Variants in SLC12A8 observed in about 807,000 individuals in gnomAD.
SLC12A8 encodes cation-chloride cotransporter 9.
SLC12A8 carries 69 observed loss-of-function variants against 75.6 expected under a neutral mutation model. That is an observed-to-expected ratio of 0.91 (90% CI 0.75 to 1.11). The LOEUF (loss-of-function observed/expected upper bound fraction) is 1.11. Ranked by LOEUF, SLC12A8 falls within the 50% of genes most tolerant of loss-of-function variation. The probability of loss-of-function intolerance (pLI) is 0.00; values close to 1 mark genes in which losing one functional copy is unlikely to be tolerated. For synonymous variants in SLC12A8, 365 were observed against 372.8 expected (o/e 0.98, Z 0.24); for missense variants, 877 against 896.7 (o/e 0.98, Z 0.28).
intron 4 of SLC12A8, among the ~76,000 whole-genome samples, chr3:125,180,690 A>ATAT (rs1239926004): frequency 6.6e-6 from 1 of 152,102 alleles, no homozygotes; most frequent in Non-Finnish European, 1.5e-5. Flanking sequence ...AATAATAATA[A>ATAT]TAGCTACCGT....
intron 5 of SLC12A8, among the ~76,000 whole-genome samples, chr3:125,176,362 T>C (rs1934527762): frequency 1.3e-5 from 2 of 152,310 alleles, no homozygotes; most frequent in South Asian, 4.1e-4. Context: ...TGAGCCACTG[T>C]GCCTGGCCTG....
At chr3:125,178,017 C>G (rs545103) in intron 4 of SLC12A8, 43 bp from the exon 5 acceptor site, 1,532,632 of 1,543,420 alleles carry the variant, frequency 0.99, 761,455 homozygotes, top group East Asian at 1. Flanking sequence ...GGACAGAAAG[C>G]CATGGGCCCA....
intron 6 of SLC12A8, among the ~76,000 whole-genome samples, chr3:125,130,301 T>C (rs1012308826): frequency 4.6e-5 from 7 of 152,052 alleles, no homozygotes; most frequent in African/African-American, 1.4e-4. Flanking sequence ...AAAGTGAATA[T>C]AGGCCAGGCA....
At chr3:125,183,160 G>A (rs1934702521) in intron 4 of SLC12A8, among the ~76,000 whole-genome samples, 1 of 152,150 alleles carries the variant, frequency 6.6e-6, no homozygotes, top group African/African-American at 2.4e-5. Context: ...CTTCCCTAGA[G>A]CAATCCAGCC....
At chr3:125,108,499 G>A (rs1305776190) in intron 9 of SLC12A8, among the ~76,000 whole-genome samples, 2 of 151,872 alleles carry the variant, frequency 1.3e-5, no homozygotes, top group Non-Finnish European at 2.9e-5. Context: ...ATCCTGAATA[G>A]CTGGGACTAC....
intron 2 of SLC12A8, 129 bp from the exon 3 acceptor site, chr3:125,190,650 C>G: frequency 5.6e-6 from 6 of 1,079,230 alleles, no homozygotes; most frequent in Non-Finnish European, 8.2e-6. Context: ...TGTGCCAGGG[C>G]AAGTGTGTGT....
intron 8 of SLC12A8, among the ~76,000 whole-genome samples, chr3:125,111,075 A>G (rs913971639): frequency 2.0e-5 from 3 of 152,178 alleles, no homozygotes; most frequent in Non-Finnish European, 2.9e-5. Context: ...TTCCCTGACT[A>G]CAGTAGTTGC....
At chr3:125,085,381 T>G (rs1938430943) in intron 13 of SLC12A8, among the ~76,000 whole-genome samples, 1 of 152,212 alleles carries the variant, frequency 6.6e-6, no homozygotes, top group Admixed American at 6.5e-5. Context: ...AATGACAGGC[T>G]CAACTTCACA....
intron 2 of SLC12A8, among the ~76,000 whole-genome samples, chr3:125,194,614 T>C (rs1934971161): frequency 6.6e-6 from 1 of 152,194 alleles, no homozygotes; most frequent in African/African-American, 2.4e-5. Flanking sequence ...ACCAGCTAAG[T>C]CTTCATGAAT....
Position 125,199,633 on chromosome 3 carries a change from C to G in SLC12A8, c.52-9112G>C, listed in dbSNP as rs562323406. On this transcript the variant is annotated intron_variant, in intron 2 of 13. Transcript: ENST00000469902. ...TGGTGGCACATGCCTGTAGTCCCAG[C>G]TACTTGGAAGGCTGAGGTGGGAGGA... Among the ~76,000 whole-genome samples the G allele has an allele frequency of 1.1e-3, 163 of 151,078 alleles. 1 individual carries two copies. The highest frequency in any genetic ancestry group is 3.2e-3 in the African/African-American group (134 of 41,272).
At chr3:125,135,988 G>A (rs1041326569) in intron 5 of SLC12A8, among the ~76,000 whole-genome samples, 1 of 152,126 alleles carries the variant, frequency 6.6e-6, no homozygotes, top group Non-Finnish European at 1.5e-5. Flanking sequence ...CATAGACACA[G>A]ATGGATGACA....
Position 125,084,028 on chromosome 3 carries a change from C to T in SLC12A8, c.2007G>A (p.Gln669=). ...SCRSLRSPQE[Q]IILAPSLAKV... ...TAGCCAGGGACGGCGCCAAGATGAT[C>T]TGCTCCTGAGGGGACCGCAAGCTCC... Residue 669 remains glutamine (Q), a synonymous_variant, in exon 14 of 14, where the codon CAG becomes CAA. Coordinates refer to ENST00000469902, the MANE Select transcript of SLC12A8 (RefSeq NM_024628.6). 1.9e-6 allele frequency: 3 copies of T among 1,612,694 alleles called. No homozygotes were observed. The highest frequency in any genetic ancestry group is 1.7e-6 in the Non-Finnish European group (2 of 1,179,478).
intron 2 of SLC12A8, among the ~76,000 whole-genome samples, chr3:125,204,093 T>C (rs1445024539): frequency 1.3e-5 from 2 of 152,174 alleles, no homozygotes; most frequent in East Asian, 1.9e-4. Flanking sequence ...AACAAGTGTT[T>C]GTGGGGCTTT....
intron 5 of SLC12A8, among the ~76,000 whole-genome samples, chr3:125,139,441 T>G (rs1306810248): frequency 1.3e-5 from 2 of 152,134 alleles, no homozygotes; most frequent in Non-Finnish European, 2.9e-5. Flanking sequence ...CCCTGCCTCA[T>G]TTCCTCTGCC....
intron 5 of SLC12A8, among the ~76,000 whole-genome samples, chr3:125,141,436 C>A (rs1933633972): frequency 6.6e-6 from 1 of 152,180 alleles, no homozygotes; most frequent in Non-Finnish European, 1.5e-5. Flanking sequence ...GAGAACTGCT[C>A]CAGCAGGGCT....
rs186255487 is a variant in SLC12A8 at position 125,173,878 on chromosome 3, G to C, written c.622+3865C>G. Among the ~76,000 whole-genome samples the C allele has an allele frequency of 2.1e-3, 321 of 152,258 alleles. 1 individual carries two copies. The highest frequency in any genetic ancestry group is 7.3e-3 in the African/African-American group (305 of 41,534). On this transcript the variant is annotated intron_variant, in intron 5 of 13. Coordinates refer to ENST00000469902, the MANE Select transcript of SLC12A8 (RefSeq NM_024628.6). ...GGCTGAGGCGGGTGGATCTCTTGAG[G>C]CCAGGAGTTCAAGAACAGCCTGGCC... is the stretch of plus-strand genomic sequence containing the variant.
At chr3:125,194,212 T>C (rs966740620) in intron 2 of SLC12A8, among the ~76,000 whole-genome samples, 1 of 152,066 alleles carries the variant, frequency 6.6e-6, no homozygotes, top group African/African-American at 2.4e-5. Flanking sequence ...GTTCCAGGGG[T>C]GCGGCGACTT....
chr3:125,088,623 A>C (rs1013982334), intron 12 of SLC12A8, among the ~76,000 whole-genome samples: 1 of 152,232 alleles, frequency 6.6e-6, no homozygotes, highest in African/African-American at 2.4e-5. Context: ...AAAAAACTGG[A>C]TAAAGTGCTA....
chr3:125,204,031 G>A (rs778003389), intron 2 of SLC12A8, among the ~76,000 whole-genome samples: 2 of 152,174 alleles, frequency 1.3e-5, no homozygotes, highest in Non-Finnish European at 2.9e-5. Context: ...AAACCACAAT[G>A]AGATACCACC....
Sources: gnomAD v4.1 joint callset for allele counts (sites outside exome capture counted in the v4.1 genomes callset) on GRCh38, gnomAD v4.1.1 for gene constraint, MANE v1.5 for transcripts, NCBI Gene and HGNC (gene_info 2026-07-23, HGNC 2026-07-21) for gene names.